The following SUPT6H variants were observed in gnomAD, a reference collection of about 807,000 sequenced individuals.
The protein encoded by SUPT6H is transcription elongation factor SPT6.
A neutral mutation model predicts 222.3 loss-of-function variants in SUPT6H; 11 were observed. The ratio of observed to expected loss-of-function variants is 0.05; its 90% CI spans 0.03 to 0.08. The LOEUF (loss-of-function observed/expected upper bound fraction) is 0.08, where lower values mean the gene tolerates loss of function less well. Among genes scored for constraint, SUPT6H ranks in the 10% least tolerant of loss-of-function variants. SUPT6H has a pLI of 1.00. For synonymous variants in SUPT6H, 762 were observed against 801.2 expected (o/e 0.95, Z 0.83); for missense variants, 1,422 against 2,216.0 (o/e 0.64, Z 7.19).
At chr17:28,675,522 TTGAG>T (rs752739703) in intron 6 of SUPT6H, 37 bp downstream of exon 6, 94 of 1,607,314 alleles carry the variant, frequency 5.8e-5, no homozygotes, top group Non-Finnish European at 6.9e-5. Context: ...GATAAAGTGA[TTGAG>T]TGGGCCCAGT....
intron 7 of SUPT6H, among the ~76,000 whole-genome samples, chr17:28,676,900 C>T (rs2030780602): frequency 2.0e-5 from 3 of 151,662 alleles, no homozygotes; most frequent in Non-Finnish European, 4.4e-5. Context: ...GCACTGCAGC[C>T]TAGAAGCAGA....
chr17:28,680,644 T>C (rs1264502220), intron 11 of SUPT6H, among the ~76,000 whole-genome samples: 1 of 151,646 alleles, frequency 6.6e-6, no homozygotes, highest in Non-Finnish European at 1.5e-5. Context: ...TGTGTCTTGG[T>C]TTTGTTTTTG....
In SUPT6H at chr17:28,678,081, C is replaced by A; in HGVS notation, c.1005C>A (p.Ser335Arg). ...TCTTTATTTTCCTACTGTAGGAAAG[C>A]TGTGATTACCTAGACCGAGGGCAGC... ...FATPTISLQE[S>R]CDYLDRGQPA... The change falls in exon 9 of 37, where the codon AGC becomes AGA. Residue 335 changes from serine (S) to arginine (R), a missense_variant. Ser to Arg is a moderately radical substitution (Grantham distance 110, BLOSUM62 -1). Around this residue, in one of 13 missense-constraint regions of SUPT6H, gnomAD observed 389 missense variants for 544.6 expected, o/e 0.71. Coordinates refer to ENST00000314616, the MANE Select transcript of SUPT6H (RefSeq NM_003170.5). 6.2e-7 allele frequency: 1 copy of A among 1,613,436 alleles called. No homozygotes were observed.
rs770086884 is a variant in SUPT6H at position 28,681,963 on chromosome 17, G to C, written c.1580G>C (p.Cys527Ser). The stretch of plus-strand genomic sequence containing the variant: ...TCTCGCCGAGACATGTACACCATCT[G>C]CCAGAGTGCTGGGCTAGGTAAAAGC... Reference protein sequence around the residue: ...QASRRDMYTICQSAGLDGLAK... With the variant: ...QASRRDMYTISQSAGLDGLAK... Residue 527 changes from cysteine to serine, a missense_variant, in exon 13 of 37, where the codon TGC becomes TCC. Cys to Ser is a moderately radical substitution (Grantham distance 112). Around this residue, in one of 13 missense-constraint regions of SUPT6H, gnomAD observed 389 missense variants for 544.6 expected, o/e 0.71. Coordinates refer to ENST00000314616, the MANE Select transcript of SUPT6H (RefSeq NM_003170.5). The C allele has an allele frequency of 6.8e-6, 11 of 1,605,960 alleles. No homozygotes were observed. The highest frequency in any genetic ancestry group is 9.3e-6 in the Non-Finnish European group (11 of 1,177,402).
At position 28,701,734 on chromosome 17, in the gene SUPT6H, GAC is replaced by G; in HGVS notation, c.*110_*111del. 8.0e-7 allele frequency: 1 copy of G among 1,242,650 alleles called. No homozygotes were observed. The highest frequency in any genetic ancestry group is 2.4e-5 in the East Asian group (1 of 41,586). 77.0% of individuals were successfully genotyped at this position (1,242,650 alleles called of 1,614,324 possible). On this transcript the variant is annotated 3_prime_UTR_variant, in exon 37 of 37. Coordinates refer to ENST00000314616, the MANE Select transcript of SUPT6H (RefSeq NM_003170.5). ...ATGTCCATAAAGTGGCGTGAAGTGA[GAC>G]GTTCTCTTTGGTGGTCAACCCGGAT...
chr17:28,683,073 C>A lies in SUPT6H; in HGVS notation c.1859C>A (p.Pro620His). The change falls in exon 15 of 37, where the codon CCC (proline) becomes CAC (histidine). Residue 620 changes from proline to histidine, a missense_variant. This residue lies in a region of SUPT6H where 121 missense variants were observed against 158.0 expected (regional missense o/e 0.77). Transcript: ENST00000314616. ...FQERAKLNIT[P>H]TKKGRKDVDE... ...GAGAGAGCCAAGTTAAATATAACCCCCACCAAGAAAGGTAGAAAGGTGAGC... is the reference window on the plus strand; with the variant it reads ...GAGAGAGCCAAGTTAAATATAACCCACACCAAGAAAGGTAGAAAGGTGAGC... 6.2e-7 allele frequency: 1 copy of A among 1,605,568 alleles called. No individual in the cohort carries two copies. The highest frequency in any genetic ancestry group is 2.2e-5 in the East Asian group (1 of 44,814).
In SUPT6H at chr17:28,690,214, G is replaced by C; in HGVS notation, c.3475G>C (p.Glu1159Gln). 6.2e-7 allele frequency: 1 copy of C among 1,613,952 alleles called. No individual in the cohort carries two copies. Among genetic ancestry groups the C allele is most frequent in the Non-Finnish European group, 8.5e-7 (1 of 1,180,010 alleles). The part of the protein sequence containing the change: ...IFNMLTKETP[E>Q]TFYIGKLIIC... ...CAATATGTTAACCAAAGAAACACCA[G>C]AGACCTTCTACATTGGTAAATTCTG... The change falls in exon 26 of 37, where the codon GAG becomes CAG. Residue 1159 changes from glutamate (E) to glutamine (Q), a missense_variant. By Grantham distance (29) the Glu-to-Gln change is conservative. Transcript: ENST00000314616.
At chr17:28,692,248 C>A (rs937436693) in intron 27 of SUPT6H, among the ~76,000 whole-genome samples, 2 of 149,648 alleles carry the variant, frequency 1.3e-5, no homozygotes, top group African/African-American at 2.5e-5. Context: ...GGTGTGAACC[C>A]GGGAGGCGGA....
chr17:28,683,850 T>C, intron 17 of SUPT6H, 34 bp downstream of exon 17: 4 of 1,555,144 alleles, frequency 2.6e-6, no homozygotes, highest in Non-Finnish European at 3.5e-6. Context: ...TTTTTTTTTT[T>C]TTGGTGACAG....
At position 28,700,226 on chromosome 17, in the gene SUPT6H, A is replaced by C. The variant is rs773096723; in HGVS notation, c.4615A>C (p.Thr1539Pro). The C allele has an allele frequency of 1.5e-5, 24 of 1,614,042 alleles. No individual in the cohort carries two copies. The highest frequency in any genetic ancestry group is 2.0e-5 in the Non-Finnish European group (24 of 1,180,030). ...CCGGACACCTGCCTCTATCAATGCTACCCCAGCCAACATCAACCTTGCAGG... is the reference window on the plus strand; with the variant it reads ...CCGGACACCTGCCTCTATCAATGCTCCCCCAGCCAACATCAACCTTGCAGG... ...RTRTPASINA[T>P]PANINLADLT... The change falls in exon 34 of 37, where the codon ACC becomes CCC. Residue 1539 changes from threonine to proline, a missense_variant. This residue lies in a region of SUPT6H where 395 missense variants were observed against 580.6 expected (regional missense o/e 0.68). Coordinates refer to ENST00000314616, the MANE Select transcript of SUPT6H (RefSeq NM_003170.5).
At position 28,696,667 on chromosome 17, in the gene SUPT6H, C is replaced by T. The variant is rs2031933962; in HGVS notation, c.3971-177C>T. On this transcript the variant is annotated intron_variant, in intron 29 of 36. Coordinates refer to ENST00000314616, the MANE Select transcript of SUPT6H (RefSeq NM_003170.5). ...ATTTTAGAGGCTGAGACAGGAGGAT[C>T]GCTTGAGCCCAGGAGTTCGAGGCTA... Among the ~76,000 whole-genome samples the T allele has an allele frequency of 2.7e-5, 4 of 150,858 alleles. No individual in the cohort carries two copies. In the South Asian group the frequency reaches 6.3e-4, roughly 24 times the overall value.
chr17:28,667,435 A>ATATATATG (rs1491494572), intron 1 of SUPT6H, among the ~76,000 whole-genome samples: 7 of 128,778 alleles, frequency 5.4e-5, no homozygotes, highest in African/African-American at 2.0e-4. Flanking sequence ...ATATATATAT[A>ATATATATG]TGTATGTGTG....
chr17:28,666,817 A>G (rs759658571), intron 1 of SUPT6H, among the ~76,000 whole-genome samples: 3 of 152,182 alleles, frequency 2.0e-5, no homozygotes, highest in Non-Finnish European at 4.4e-5. Context: ...TCAGCCTCCC[A>G]AAGTGCTGGC....
chr17:28,669,227 C>T (rs1005539174), intron 1 of SUPT6H, among the ~76,000 whole-genome samples: 6 of 152,096 alleles, frequency 3.9e-5, no homozygotes, highest in South Asian at 4.1e-4. Flanking sequence ...TGTTTTGAGA[C>T]GGAGTCTCAC....
At chr17:28,683,145 T>C (rs1386105089) in intron 15 of SUPT6H, 53 bp downstream of exon 15, 1 of 1,561,050 alleles carries the variant, frequency 6.4e-7, no homozygotes, top group African/African-American at 1.4e-5. Context: ...CTTTCTTTGA[T>C]TGCCTGAGTT....
At chr17:28,667,085 C>T (rs1419130349) in intron 1 of SUPT6H, among the ~76,000 whole-genome samples, 1 of 151,440 alleles carries the variant, frequency 6.6e-6, no homozygotes, top group African/African-American at 2.4e-5. Flanking sequence ...TAGTCCCTTG[C>T]CCATAAAATA....
At chr17:28,696,636 C>T (rs1160466060) in intron 29 of SUPT6H, among the ~76,000 whole-genome samples, 1 of 150,842 alleles carries the variant, frequency 6.6e-6, no homozygotes, top group Non-Finnish European at 1.5e-5. Context: ...CGGTGTATTC[C>T]CAGCTATTTT....
At chr17:28,684,368 A>G (rs537980205) in intron 17 of SUPT6H, among the ~76,000 whole-genome samples, 1 of 152,148 alleles carries the variant, frequency 6.6e-6, no homozygotes. Context: ...ACTCATCCAA[A>G]CATTCTTTGT....
chr17:28,688,499 G>A lies in SUPT6H; in HGVS notation c.3134+281G>A. On this transcript the variant is annotated intron_variant, in intron 24 of 36. Coordinates refer to ENST00000314616, the MANE Select transcript of SUPT6H (RefSeq NM_003170.5). This position sits in a 1 kb window ranked among gnomAD's most constrained non-coding sequence, Gnocchi z 4.3. ...GATTTTGTTCAGTAAACACAAACTT[G>A]CTTTTTTATTATTATGGTTTGTTGT... The A allele has an allele frequency of 4.2e-6, 1 of 237,712 alleles. No individual in the cohort carries two copies. The highest frequency in any genetic ancestry group is 1.1e-4 in the South Asian group (1 of 8,838). The allele number at this position is 237,712 out of a possible 1,614,324, so 14.7% of individuals were successfully genotyped here. A position where few individuals can be genotyped will look rare whatever the true frequency, so the allele number is the denominator to read the frequency against.
Sources: gnomAD v4.1 joint callset for allele counts (sites outside exome capture counted in the v4.1 genomes callset) on GRCh38, gnomAD v4.1.1 for gene constraint, gnomAD v4.1.1 regional missense constraint, Gnocchi (gnomAD v3.1) non-coding constraint, MANE v1.5 for transcripts, NCBI Gene and HGNC (gene_info 2026-07-23, HGNC 2026-07-21) for gene names.